DNAH9: variants seen among roughly 807,000 people sequenced by gnomAD.
DNAH9 encodes dynein axonemal heavy chain 9, also known as DNAH9 variant protein.
Under a neutral mutation model 471.6 loss-of-function variants are expected in DNAH9, and 345 were observed. The ratio of observed to expected loss-of-function variants is 0.73; its 90% CI spans 0.67 to 0.80. The LOEUF is 0.80. Among genes scored for constraint, DNAH9 ranks in the 30% least tolerant of loss-of-function variants. The pLI is 0.00. For synonymous variants in DNAH9, 2,093 were observed against 2,123.6 expected, an observed-to-expected ratio of 0.99 and a Z score of 0.40; for missense variants, 5,407 against 5,609.2, an observed-to-expected ratio of 0.96 and a Z score of 1.15.
At chr17:11,707,690 G>A (rs2074727538) in intron 26 of DNAH9, among the ~76,000 whole-genome samples, 1 of 151,996 alleles carries the variant, frequency 6.6e-6, no homozygotes, top group African/African-American at 2.4e-5. Flanking sequence ...ACTCTGCATG[G>A]ACCAAAATGT....
intron 66 of DNAH9, among the ~76,000 whole-genome samples, chr17:11,941,537 C>T (rs1376955673): frequency 6.6e-6 from 1 of 152,142 alleles, no homozygotes; most frequent in Non-Finnish European, 1.5e-5. Flanking sequence ...CCTACTTGTC[C>T]TAGCTCCCCT....
At chr17:11,853,766 G>C (rs1464316698) in intron 49 of DNAH9, among the ~76,000 whole-genome samples, 1 of 152,236 alleles carries the variant, frequency 6.6e-6, no homozygotes, top group Non-Finnish European at 1.5e-5. Flanking sequence ...CTGCGAGTCA[G>C]TTAAAGTGCT....
Position 11,669,377 on chromosome 17 carries a change from T to A in DNAH9, c.2936T>A (p.Leu979Gln), listed in dbSNP as rs370672342. Reference protein sequence around the residue: ...QNGSPHYQVDLDGIPDLANMR... With the variant: ...QNGSPHYQVDQDGIPDLANMR... ...GTTGTCTCGCTTCCCCAGGTCGACC[T>A]GGACGGTATACCAGATTTGGCAAAC... The change falls in exon 17 of 69, where the codon CTG (leucine) becomes CAG (glutamine). Residue 979 changes from leucine to glutamine, a missense_variant. By Grantham distance (113) the Leu-to-Gln change is moderately radical. Around this residue, in one of 3 missense-constraint regions of DNAH9, gnomAD observed 4,636 missense variants for 4,900.3 expected, o/e 0.95. Coordinates refer to ENST00000262442, the MANE Select transcript of DNAH9 (RefSeq NM_001372.4). 16 of 1,610,750 alleles carry A rather than the reference T, an allele frequency of 9.9e-6. No homozygotes were observed. In the African/African-American group the frequency reaches 1.3e-4, roughly 13 times the overall value.
At chr17:11,599,038 G>C (rs1369424138) in intron 1 of DNAH9, 123 bp downstream of exon 1, 50 of 832,910 alleles carry the variant, frequency 6.0e-5, no homozygotes, top group Non-Finnish European at 6.4e-5. Flanking sequence ...CCAAGAGGCG[G>C]AGTGATAGGC....
chr17:11,635,333 A>ATTTTT (rs746022574), intron 8 of DNAH9, among the ~76,000 whole-genome samples: 3 of 94,662 alleles, frequency 3.2e-5, no homozygotes, highest in Non-Finnish European at 4.4e-5. Flanking sequence ...TGACTCGCTA[A>ATTTTT]TTTTTTTTTT....
chr17:11,704,219 C>T lies in DNAH9; in HGVS notation c.5168C>T (p.Thr1723Ile). The change falls in exon 25 of 69, where the codon ACT becomes ATT. Residue 1723 changes from threonine (T) to isoleucine (I), a missense_variant. Around this residue, in one of 3 missense-constraint regions of DNAH9, gnomAD observed 4,636 missense variants for 4,900.3 expected, o/e 0.95. Coordinates refer to ENST00000262442, the MANE Select transcript of DNAH9 (RefSeq NM_001372.4). Reference protein sequence around the residue: ...DHPAQVALTCTQIWWTTEVGM... With the variant: ...DHPAQVALTCIQIWWTTEVGM... ...CTGCCACAGGTGGCCCTGACCTGTA[C>T]TCAGATCTGGTGGACAACAGAAGTG... 1 of 1,614,062 alleles carries T rather than the reference C, an allele frequency of 6.2e-7. No individual in the cohort carries two copies. The highest frequency in any genetic ancestry group is 8.5e-7 in the Non-Finnish European group (1 of 1,179,944).
intron 66 of DNAH9, among the ~76,000 whole-genome samples, chr17:11,941,082 G>A (rs929128911): frequency 6.6e-6 from 1 of 152,162 alleles, no homozygotes; most frequent in Non-Finnish European, 1.5e-5. Flanking sequence ...TTCCAGGCTT[G>A]AGATTCAAAT....
Position 11,775,993 on chromosome 17 carries a change from A to G in DNAH9, c.7553-5016A>G, listed in dbSNP as rs148093344. Among the ~76,000 whole-genome samples, 460 of 152,108 alleles carry G rather than the reference A, an allele frequency of 3.0e-3. 2 individuals carry two copies. Among genetic ancestry groups the G allele is most frequent in the African/African-American group, 0.011 (441 of 41,506 alleles). ...GTGGAGTCTCCATTGTATTTCTCTA[A>G]ACATGGATTCAGAACTCCTTGATAC... is the stretch of plus-strand genomic sequence containing the variant. On this transcript the variant is annotated intron_variant, in intron 38 of 68. Transcript: ENST00000262442.
chr17:11,693,995 G>A lies in DNAH9; in HGVS notation c.4742G>A (p.Gly1581Asp), dbSNP rs1388504238. The A allele has an allele frequency of 6.2e-7, 1 of 1,613,884 alleles. No homozygotes were observed. ...GLYEKLEDIQGRLCLCEKALA... is the reference protein window; with the variant it reads ...GLYEKLEDIQDRLCLCEKALA... ...TATGAAAAGCTGGAGGATATTCAGGGCAGGTGAGGGTCCGCCCATTACCCC... is the reference window on the plus strand; with the variant it reads ...TATGAAAAGCTGGAGGATATTCAGGACAGGTGAGGGTCCGCCCATTACCCC... Residue 1581 changes from glycine (G) to aspartate (D), a missense_variant, in exon 21 of 69, where the codon GGC becomes GAC. This residue lies in a region of DNAH9 where 4,636 missense variants were observed against 4,900.3 expected (regional missense o/e 0.95). Coordinates refer to ENST00000262442, the MANE Select transcript of DNAH9 (RefSeq NM_001372.4).
chr17:11,799,445 C>T (rs1969374330), intron 43 of DNAH9, among the ~76,000 whole-genome samples: 1 of 152,180 alleles, frequency 6.6e-6, no homozygotes, highest in African/African-American at 2.4e-5. Context: ...CAGCTCCTTG[C>T]AAACTCTGCC....
chr17:11,818,266 T>TA (rs768576647), intron 45 of DNAH9, among the ~76,000 whole-genome samples: 8 of 152,020 alleles, frequency 5.3e-5, no homozygotes, highest in Non-Finnish European at 1.2e-4. Flanking sequence ...CCGTCTGTAC[T>TA]AAAAATACGA....
intron 6 of DNAH9, among the ~76,000 whole-genome samples, chr17:11,628,126 T>C (rs923830063): frequency 6.6e-6 from 1 of 152,222 alleles, no homozygotes; most frequent in Non-Finnish European, 1.5e-5. Flanking sequence ...CTGTCATCTT[T>C]CCTGCCTAAG....
intron 7 of DNAH9, among the ~76,000 whole-genome samples, chr17:11,630,755 C>T (rs923313961): frequency 5.3e-5 from 8 of 152,042 alleles, no homozygotes; most frequent in Admixed American, 3.3e-4. Context: ...ACTTGAAATT[C>T]GCCAAAAGGG....
intron 60 of DNAH9, among the ~76,000 whole-genome samples, chr17:11,903,903 T>C (rs1973496971): frequency 7.8e-6 from 1 of 128,304 alleles, no homozygotes; most frequent in African/African-American, 2.8e-5. Context: ...AGAGGGAGAC[T>C]CCATTTTAAA....
At chr17:11,781,990 GGA>G (rs1851381977) in intron 39 of DNAH9, among the ~76,000 whole-genome samples, 1 of 146,398 alleles carries the variant, frequency 6.8e-6, no homozygotes, top group African/African-American at 2.6e-5. Context: ...GAACTTACTA[GGA>G]AAAAAAAAAA....
At chr17:11,921,000 T>A (rs1377214790) in intron 61 of DNAH9, among the ~76,000 whole-genome samples, 1 of 151,390 alleles carries the variant, frequency 6.6e-6, no homozygotes, top group Non-Finnish European at 1.5e-5. Flanking sequence ...AATTAGCCAG[T>A]CATGGTGGCG....
intron 14 of DNAH9, among the ~76,000 whole-genome samples, chr17:11,657,406 T>G (rs2073672077): frequency 6.6e-6 from 1 of 152,142 alleles, no homozygotes; most frequent in African/African-American, 2.4e-5. Flanking sequence ...CATTTTAAAT[T>G]GGATGGTTTA....
chr17:11,793,681 G>T lies in DNAH9; in HGVS notation c.8223+17G>T. ...ACTTTTGATGTGAGTATTGCCCTAT[G>T]GATTTTCTTTGTATTTGAAAAAAAA... is the stretch of plus-strand genomic sequence containing the variant. On this transcript the variant is annotated intron_variant, in intron 42 of 68. Transcript: ENST00000262442. The T allele has an allele frequency of 3.9e-6, 6 of 1,557,148 alleles. No homozygotes were observed. The highest frequency in any genetic ancestry group is 5.2e-6 in the Non-Finnish European group (6 of 1,152,792).
At position 11,834,854 on chromosome 17, in the gene DNAH9, C is replaced by T. The variant is rs1224189898; in HGVS notation, c.9463C>T (p.Pro3155Ser). Residue 3155 changes from proline to serine, a missense_variant, in exon 49 of 69, where the codon CCA (proline) becomes TCA (serine). Physicochemically the swap from Pro to Ser is moderately conservative, Grantham distance 74. Transcript: ENST00000262442. ...DCEEDLAKAE[P>S]ALTAAQAALN... is the part of the protein sequence containing the mutation. ...TGAGGAGGACCTGGCAAAGGCTGAG[C>T]CAGCACTCACAGCAGCGCAGGCAGC... The T allele has an allele frequency of 6.2e-7, 1 of 1,613,816 alleles. No individual in the cohort carries two copies. Among genetic ancestry groups the T allele is most frequent in the East Asian group, 2.2e-5 (1 of 44,868 alleles).
Sources: gnomAD v4.1 joint callset for allele counts (sites outside exome capture counted in the v4.1 genomes callset) on GRCh38, gnomAD v4.1.1 for gene constraint, gnomAD v4.1.1 regional missense constraint, MANE v1.5 for transcripts, NCBI Gene and HGNC (gene_info 2026-07-23, HGNC 2026-07-21) for gene names.